Variants in ABCA13 observed in about 807,000 individuals in gnomAD.
ABCA13 encodes ATP binding cassette subfamily A member 13.
ABCA13 carries 476 observed loss-of-function variants against 478.7 expected under a neutral mutation model. That is an observed-to-expected ratio of 0.99 (90% confidence interval 0.92 to 1.07). The LOEUF (loss-of-function observed/expected upper bound fraction) is 1.07, where lower values mean the gene tolerates loss of function less well. ABCA13 is among the 50% of genes least tolerant of loss of function. ABCA13 has a pLI of 0.00. For missense variants in ABCA13, 6,060 were observed against 5,910.6 expected (o/e 1.03, Z -0.83); for synonymous variants, 2,252 against 2,158.9 (o/e 1.04, Z -1.20).
chr7:48,464,201 GC>G (rs1826617006), intron 43 of ABCA13, among the ~76,000 whole-genome samples: 1 of 152,192 alleles, frequency 6.6e-6, no homozygotes, highest in African/African-American at 2.4e-5. Context: ...GAGTTTGAAG[GC>G]AACAAAAGAG....
intron 45 of ABCA13, among the ~76,000 whole-genome samples, chr7:48,474,078 CT>C (rs1437780675): frequency 4.0e-5 from 6 of 151,810 alleles, no homozygotes; most frequent in Admixed American, 1.3e-4. Flanking sequence ...TTTTTTTCCC[CT>C]GGTCTTGTTT....
Position 48,645,905 on chromosome 7 carries a change from C to T in ABCA13, c.*393C>T, listed in dbSNP as rs936935649. ...TTTTCTGTTAAGAAAACTGAGCCCC[C>T]TCCCCACAGGTTAAAAAACTTTAGT... On this transcript the variant is annotated 3_prime_UTR_variant, in exon 62 of 62. Coordinates refer to ENST00000435803, the MANE Select transcript of ABCA13 (RefSeq NM_152701.5). 17 of 171,332 alleles carry T rather than the reference C, an allele frequency of 9.9e-5. No individual in the cohort carries two copies. The highest frequency in any genetic ancestry group is 1.7e-4 in the Non-Finnish European group (14 of 81,732). 10.6% of individuals were successfully genotyped at this position (171,332 alleles called of 1,614,324 possible).
At chr7:48,566,428 G>A (rs1918588) in intron 55 of ABCA13, among the ~76,000 whole-genome samples, 20,147 of 152,110 alleles carry the variant, frequency 0.13, 1,649 homozygotes, top group African/African-American at 0.21. Flanking sequence ...CATGGAAACC[G>A]TAAAATGGAT....
chr7:48,331,228 A>G (rs1057085100), intron 27 of ABCA13, among the ~76,000 whole-genome samples: 1 of 152,208 alleles, frequency 6.6e-6, no homozygotes, highest in Non-Finnish European at 1.5e-5. Context: ...GGAATAAATC[A>G]TTTTCTAAAA....
chr7:48,479,186 G>A (rs1454293186), intron 45 of ABCA13, among the ~76,000 whole-genome samples: 1 of 151,488 alleles, frequency 6.6e-6, no homozygotes, highest in Non-Finnish European at 1.5e-5. Context: ...TCCTGACCTC[G>A]TGATCTGCCC....
In ABCA13 at chr7:48,273,603, C is replaced by T; in HGVS notation, c.3937C>T (p.Leu1313Phe). The T allele has an allele frequency of 6.3e-7, 1 of 1,594,674 alleles. No homozygotes were observed. The highest frequency in any genetic ancestry group is 8.6e-7 in the Non-Finnish European group (1 of 1,169,076). The change falls in exon 17 of 62, where the codon CTC becomes TTC. Residue 1313 changes from leucine to phenylalanine, a missense_variant. By Grantham distance (22) the Leu-to-Phe change is conservative. Around this residue, in one of 3 missense-constraint regions of ABCA13, gnomAD observed 4,423 missense variants for 4,309.1 expected, o/e 1.03. Transcript: ENST00000435803. The part of the protein sequence containing the change: ...DSINDFLSNN[L>F]TNYGEKFENI... ...AATAAATGACTTTCTTTCAAATAATCTCACAAATTATGGAGAAAAATTTGA... is the reference window on the plus strand; with the variant it reads ...AATAAATGACTTTCTTTCAAATAATTTCACAAATTATGGAGAAAAATTTGA...
At chr7:48,371,831 T>A (rs1416457326) in intron 32 of ABCA13, among the ~76,000 whole-genome samples, 1 of 152,212 alleles carries the variant, frequency 6.6e-6, no homozygotes, top group Non-Finnish European at 1.5e-5. Context: ...CAGTGTTGAA[T>A]AGGAGTGGTG....
intron 35 of ABCA13, among the ~76,000 whole-genome samples, chr7:48,384,127 C>G (rs2129047277): frequency 6.6e-6 from 1 of 152,326 alleles, no homozygotes; most frequent in Non-Finnish European, 1.5e-5. Flanking sequence ...TGCCTACTAT[C>G]CTTGCTAAGG....
chr7:48,299,974 T>G (rs1476431409), intron 23 of ABCA13, among the ~76,000 whole-genome samples: 2 of 152,246 alleles, frequency 1.3e-5, no homozygotes, highest in African/African-American at 4.8e-5. Context: ...AAAAGTTGCA[T>G]TCTTGCGTTT....
chr7:48,333,065 T>C (rs1805653767), intron 27 of ABCA13, among the ~76,000 whole-genome samples: 1 of 152,234 alleles, frequency 6.6e-6, no homozygotes, highest in African/African-American at 2.4e-5. Flanking sequence ...TCAGAGACTC[T>C]AATGACACCA....
chr7:48,269,279 T>C (rs1795287600), intron 16 of ABCA13, among the ~76,000 whole-genome samples, 185 bp downstream of exon 16: 1 of 152,174 alleles, frequency 6.6e-6, no homozygotes, highest in Non-Finnish European at 1.5e-5. Context: ...TATCAAGTTG[T>C]TTAATAGAAT....
Position 48,389,115 on chromosome 7 carries a change from A to T in ABCA13, c.11549A>T (p.Glu3850Val). The T allele has an allele frequency of 6.2e-7, 1 of 1,613,964 alleles. No homozygotes were observed. The highest frequency in any genetic ancestry group is 1.1e-5 in the South Asian group (1 of 91,082). Reference protein sequence around the residue: ...PGVTLVSVTKEYEGHKAVVQD... With the variant: ...PGVTLVSVTKVYEGHKAVVQD... ...GTCACCCTGGTGTCTGTGACCAAGG[A>T]ATATGAGGGCCACAAGGCTGTGGTC... The change falls in exon 37 of 62, where the codon GAA becomes GTA. Residue 3850 changes from glutamate (E) to valine (V), a missense_variant. Transcript: ENST00000435803.
At chr7:48,505,134 A>G (rs1381534197) in intron 48 of ABCA13, among the ~76,000 whole-genome samples, 1 of 152,178 alleles carries the variant, frequency 6.6e-6, no homozygotes, top group East Asian at 1.9e-4. Flanking sequence ...AAAACTGTAC[A>G]GTGGATTTGC....
At chr7:48,265,495 C>CT (rs1249301385) in intron 15 of ABCA13, among the ~76,000 whole-genome samples, 32 of 151,468 alleles carry the variant, frequency 2.1e-4, no homozygotes, top group African/African-American at 6.3e-4. Flanking sequence ...TCTTTCACGT[C>CT]TTTTTTCAGA....
At chr7:48,481,710 A>G (rs1020311653) in intron 46 of ABCA13, among the ~76,000 whole-genome samples, 10 of 147,298 alleles carry the variant, frequency 6.8e-5, no homozygotes, top group South Asian at 2.2e-4. Context: ...ATTTCACCAT[A>G]TTGGTCAGGC....
chr7:48,180,312 G>A (rs1205570316), intron 1 of ABCA13, among the ~76,000 whole-genome samples: 1 of 152,146 alleles, frequency 6.6e-6, no homozygotes, highest in African/African-American at 2.4e-5. Flanking sequence ...TTCCAGGTGG[G>A]GTTAGGCACT....
chr7:48,220,240 C>T (rs572082419), intron 4 of ABCA13, among the ~76,000 whole-genome samples: 1 of 152,168 alleles, frequency 6.6e-6, no homozygotes, highest in Non-Finnish European at 1.5e-5. Flanking sequence ...CTCTTCACAT[C>T]CCTGAGTCAT....
At chr7:48,607,302 C>T (rs1791570221) in intron 58 of ABCA13, among the ~76,000 whole-genome samples, 2 of 152,188 alleles carry the variant, frequency 1.3e-5, no homozygotes, top group Non-Finnish European at 2.9e-5. Context: ...AAGGGAAATC[C>T]CCTGACCCCT....
intron 43 of ABCA13, among the ~76,000 whole-genome samples, chr7:48,459,683 C>A (rs974664534): frequency 1.3e-5 from 2 of 152,182 alleles, no homozygotes; most frequent in Non-Finnish European, 2.9e-5. Context: ...TTCTTTATAT[C>A]TGTACCTTTA....
Sources: gnomAD v4.1 joint callset for allele counts (sites outside exome capture counted in the v4.1 genomes callset) on GRCh38, gnomAD v4.1.1 for gene constraint, gnomAD v4.1.1 regional missense constraint, MANE v1.5 for transcripts, NCBI Gene and HGNC (gene_info 2026-07-23, HGNC 2026-07-21) for gene names.